The following GABRB2 variants were observed in gnomAD, a reference collection of about 807,000 sequenced individuals.
The protein encoded by GABRB2 is gamma-aminobutyric acid type A receptor subunit beta2.
A neutral mutation model predicts 54.7 loss-of-function variants in GABRB2; 16 were observed. The ratio of observed to expected loss-of-function variants is 0.29; its 90% CI spans 0.20 to 0.44. The LOEUF is 0.44. GABRB2 is among the 20% of genes least tolerant of loss of function. The probability of loss-of-function intolerance (pLI) is 1.00; values close to 1 mark genes in which losing one functional copy is unlikely to be tolerated. For synonymous variants in GABRB2, 244 were observed against 233.8 expected (o/e 1.04, Z -0.40); for missense variants, 355 against 644.0 (o/e 0.55, Z 4.86).
At chr5:161,393,618 C>T (rs1755904228) in intron 5 of GABRB2, among the ~76,000 whole-genome samples, 1 of 151,686 alleles carries the variant, frequency 6.6e-6, no homozygotes, top group South Asian at 2.1e-4. Context: ...ATTTTAATAT[C>T]CTATAAAATG....
At chr5:161,392,154 CTG>C (rs1755843718) in intron 5 of GABRB2, among the ~76,000 whole-genome samples, 2 of 152,118 alleles carry the variant, frequency 1.3e-5, no homozygotes, top group Non-Finnish European at 2.9e-5. Context: ...ATCATGGCCT[CTG>C]TGTTCCAGGC....
At chr5:161,403,343 TCTCTTAAAGAGGGAGA>T (rs1213941837) in intron 5 of GABRB2, among the ~76,000 whole-genome samples, 2 of 152,086 alleles carry the variant, frequency 1.3e-5, no homozygotes, top group African/African-American at 2.4e-5. Context: ...CCTAGCACAC[TCTCTTAAAGAGGGAGA>T]CTGGTGACAT....
At chr5:161,477,479 A>G (rs1316517079) in intron 3 of GABRB2, among the ~76,000 whole-genome samples, 2 of 151,900 alleles carry the variant, frequency 1.3e-5, no homozygotes, top group Non-Finnish European at 2.9e-5. Context: ...AATAATTGAA[A>G]GTAGGATCTC....
chr5:161,533,164 T>C (rs1385263798), intron 3 of GABRB2, among the ~76,000 whole-genome samples: 2 of 152,170 alleles, frequency 1.3e-5, no homozygotes, highest in Non-Finnish European at 2.9e-5. Flanking sequence ...GGAATGCCGA[T>C]AGAATGTGAA....
chr5:161,374,919 G>A (rs1366764965), intron 5 of GABRB2, among the ~76,000 whole-genome samples: 1 of 152,026 alleles, frequency 6.6e-6, no homozygotes, highest in Non-Finnish European at 1.5e-5. Flanking sequence ...GGCTCATGGT[G>A]CGTAGTAGAC....
At chr5:161,514,634 C>T (rs780768625) in intron 3 of GABRB2, among the ~76,000 whole-genome samples, 1 of 151,760 alleles carries the variant, frequency 6.6e-6, no homozygotes, top group Non-Finnish European at 1.5e-5. Flanking sequence ...AGGTGTACTG[C>T]CTCCAAATGG....
intron 3 of GABRB2, among the ~76,000 whole-genome samples, chr5:161,491,956 TGAAAAGAATGTGCTATG>T (rs1202953620): frequency 1.3e-5 from 2 of 151,562 alleles, no homozygotes. Flanking sequence ...TGCTCAGTAA[TGAAAAGAATGTGCTATG>T]GAGGGTGACT....
rs565353964 is a variant in GABRB2, at chr5:161,288,607, A to C, written c.*5474T>G. ...TATCTCATGTATCCCAGAGATTTTA[A>C]TAGTCCTGTTTTTAGAAAGACATGA... On this transcript the variant is annotated 3_prime_UTR_variant, in exon 10 of 10. Coordinates refer to ENST00000393959, the MANE Select transcript of GABRB2 (RefSeq NM_001371727.1). 6.5e-6 allele frequency: 1 copy of C among 152,764 alleles called. No individual in the cohort carries two copies. Among genetic ancestry groups the C allele is most frequent in the Admixed American group, 6.5e-5 (1 of 15,300 alleles). The allele number at this position is 152,764 out of a possible 1,614,324, so 9.5% of individuals were successfully genotyped here.
chr5:161,505,951 G>A lies in GABRB2; in HGVS notation c.237+39276C>T, dbSNP rs372943669. On this transcript the variant is annotated intron_variant, in intron 3 of 9. Coordinates refer to ENST00000393959, the MANE Select transcript of GABRB2 (RefSeq NM_001371727.1). ...TTGCATTAGAAATTAAAGCCAACGT[G>A]ATAAGTAAGTAAATAAGTAAAATCA... is the stretch of plus-strand genomic sequence containing the variant. Among the ~76,000 whole-genome samples, 27 of 152,172 alleles carry A rather than the reference G, an allele frequency of 1.8e-4. No homozygotes were observed. In the South Asian group the frequency reaches 5.4e-3, roughly 30 times the overall value.
At chr5:161,515,896 G>C (rs1434880524) in intron 3 of GABRB2, among the ~76,000 whole-genome samples, 1 of 152,172 alleles carries the variant, frequency 6.6e-6, no homozygotes, top group South Asian at 2.1e-4. Flanking sequence ...TGCAGTATTA[G>C]AAACGTATGT....
intron 6 of GABRB2, among the ~76,000 whole-genome samples, chr5:161,335,812 T>C (rs1561612466): frequency 6.6e-6 from 1 of 152,148 alleles, no homozygotes; most frequent in African/African-American, 2.4e-5. Flanking sequence ...GTTAAAGGCA[T>C]TGTATTTTTA....
intron 4 of GABRB2, among the ~76,000 whole-genome samples, chr5:161,422,886 G>A (rs1443864028): frequency 3.9e-5 from 6 of 152,054 alleles, no homozygotes; most frequent in African/African-American, 1.4e-4. Context: ...TTTAATTACA[G>A]GTTTTCAAAG....
At chr5:161,303,061 T>C (rs1385627111) in intron 9 of GABRB2, among the ~76,000 whole-genome samples, 1 of 152,244 alleles carries the variant, frequency 6.6e-6, no homozygotes, top group Non-Finnish European at 1.5e-5. Flanking sequence ...CTTTTTAACT[T>C]CTATTATGCA....
chr5:161,526,459 T>A (rs1336984297), intron 3 of GABRB2, among the ~76,000 whole-genome samples: 1 of 151,124 alleles, frequency 6.6e-6, no homozygotes, highest in Non-Finnish European at 1.5e-5. Context: ...GATGCTCTTA[T>A]TATGGAAGAT....
At chr5:161,378,573 AG>A (rs1755375521) in intron 5 of GABRB2, among the ~76,000 whole-genome samples, 1 of 152,156 alleles carries the variant, frequency 6.6e-6, no homozygotes, top group Admixed American at 6.6e-5. Flanking sequence ...TCTGGGTTCA[AG>A]GTGATAATGG....
chr5:161,464,573 T>C (rs888761596), intron 3 of GABRB2, among the ~76,000 whole-genome samples: 2 of 152,078 alleles, frequency 1.3e-5, no homozygotes, highest in South Asian at 4.1e-4. Flanking sequence ...ACACAGAACC[T>C]AGCAATCCCA....
intron 4 of GABRB2, 121 bp from the exon 5 acceptor site, chr5:161,411,178 T>A: frequency 1.5e-6 from 1 of 685,710 alleles, no homozygotes; most frequent in Middle Eastern, 2.7e-4. Context: ...AAATGACTGA[T>A]GCAACTTTGG....
intron 5 of GABRB2, among the ~76,000 whole-genome samples, chr5:161,358,019 A>C (rs935504421): frequency 1.3e-5 from 2 of 152,212 alleles, no homozygotes; most frequent in African/African-American, 4.8e-5. Flanking sequence ...AAGCCATGCA[A>C]CTTATGAGAA....
At chr5:161,318,768 G>T in intron 9 of GABRB2, among the ~76,000 whole-genome samples, 1 of 151,702 alleles carries the variant, frequency 6.6e-6, no homozygotes, top group East Asian at 1.9e-4. Context: ...AAACCCATTG[G>T]TTTCCAATGA....
Sources: gnomAD v4.1 joint callset for allele counts (sites outside exome capture counted in the v4.1 genomes callset) on GRCh38, gnomAD v4.1.1 for gene constraint, MANE v1.5 for transcripts, NCBI Gene and HGNC (gene_info 2026-07-23, HGNC 2026-07-21) for gene names.